The following PRDM6 variants were observed in gnomAD, a reference collection of about 807,000 sequenced individuals.
The protein encoded by PRDM6 is PR/SET domain 6.
In PRDM6, 25 loss-of-function variants were observed where a neutral mutation model predicts 60.8. That is an observed-to-expected ratio of 0.41 (90% confidence interval 0.30 to 0.57). The LOEUF (loss-of-function observed/expected upper bound fraction) is 0.57, where lower values mean the gene tolerates loss of function less well. Ranked by LOEUF, PRDM6 falls within the 20% of genes least tolerant of loss-of-function variation. The probability of loss-of-function intolerance (pLI) is 0.27; values close to 1 mark genes in which losing one functional copy is unlikely to be tolerated. For missense variants in PRDM6, 839 were observed against 821.3 expected, an observed-to-expected ratio of 1.02 and a Z score of -0.26; for synonymous variants, 407 against 357.4, an observed-to-expected ratio of 1.14 and a Z score of -1.57.
chr5:123,113,746 G>A (rs147515822), intron 3 of PRDM6, among the ~76,000 whole-genome samples: 16 of 152,118 alleles, frequency 1.1e-4, no homozygotes, highest in African/African-American at 3.1e-4. Context: ...CTCTGGACCC[G>A]GAGGTGAGCT....
At chr5:123,140,755 T>G (rs1255051249) in intron 3 of PRDM6, among the ~76,000 whole-genome samples, 2 of 152,200 alleles carry the variant, frequency 1.3e-5, no homozygotes, top group Non-Finnish European at 2.9e-5. Flanking sequence ...ACAGAATCTT[T>G]ACATTCAGTC....
chr5:123,126,464 G>A (rs970643886), intron 3 of PRDM6, among the ~76,000 whole-genome samples: 1 of 151,902 alleles, frequency 6.6e-6, no homozygotes, highest in Non-Finnish European at 1.5e-5. Flanking sequence ...GCAGTGAGCA[G>A]TGGATCAGTA....
rs897526332 is a variant in PRDM6, at chr5:123,090,479, C to T, written c.465C>T (p.Gly155=). ...CCGTCAAGTGCGGTGGTGGTGGCGG[C>T]GGCGGCGGGGAGGGTCGCGGCGCCC... The part of the protein sequence containing the change: ...PGPVKCGGGG[G]GGGEGRGAPR... The change falls in exon 2 of 8, where the codon GGC becomes GGT. Residue 155 remains glycine, a synonymous_variant. Coordinates refer to ENST00000407847, the MANE Select transcript of PRDM6 (RefSeq NM_001136239.4). The T allele has an allele frequency of 6.7e-6, 10 of 1,483,794 alleles. No homozygotes were observed. In the African/African-American group the frequency reaches 1.0e-4, roughly 15 times the overall value. 91.9% of individuals were successfully genotyped at this position (1,483,794 alleles called of 1,614,324 possible).
chr5:123,134,541 G>A (rs928640668), intron 3 of PRDM6, among the ~76,000 whole-genome samples: 3 of 152,104 alleles, frequency 2.0e-5, no homozygotes, highest in Admixed American at 6.6e-5. Flanking sequence ...CATTTAAATT[G>A]TTATGTATTT....
intron 5 of PRDM6, among the ~76,000 whole-genome samples, chr5:123,167,082 G>C (rs1468190543): frequency 3.3e-5 from 5 of 152,142 alleles, no homozygotes; most frequent in Non-Finnish European, 7.4e-5. Flanking sequence ...CAGTGAGGCT[G>C]ATATTTAGGA....
At chr5:123,114,397 T>C (rs1214001613) in intron 3 of PRDM6, among the ~76,000 whole-genome samples, 1 of 152,206 alleles carries the variant, frequency 6.6e-6, no homozygotes, top group Non-Finnish European at 1.5e-5. Context: ...TTTACTATTT[T>C]AGAGTCACAT....
chr5:123,179,174 C>T (rs947178663), intron 6 of PRDM6, among the ~76,000 whole-genome samples: 1 of 152,188 alleles, frequency 6.6e-6, no homozygotes, highest in African/African-American at 2.4e-5. Context: ...GAATTTTAAT[C>T]TATTTTATGA....
chr5:123,158,899 A>G (rs1465975525), intron 4 of PRDM6, among the ~76,000 whole-genome samples: 1 of 152,092 alleles, frequency 6.6e-6, no homozygotes, highest in Non-Finnish European at 1.5e-5. Flanking sequence ...CCTTCACTGT[A>G]TCGTTTCAGA....
At chr5:123,169,457 A>G (rs35302957) in intron 5 of PRDM6, among the ~76,000 whole-genome samples, 1,865 of 152,286 alleles carry the variant, frequency 0.012, 18 homozygotes, top group Middle Eastern at 0.054. Flanking sequence ...TCCTTCTATA[A>G]CAAAAATGGT....
At chr5:123,110,028 GTC>G (rs1189399193) in intron 3 of PRDM6, among the ~76,000 whole-genome samples, 3 of 152,252 alleles carry the variant, frequency 2.0e-5, no homozygotes, top group African/African-American at 7.2e-5. Flanking sequence ...ATTTGGCACT[GTC>G]TGTAAAAATG....
chr5:123,145,107 T>C (rs1765210500), intron 3 of PRDM6, among the ~76,000 whole-genome samples: 1 of 152,230 alleles, frequency 6.6e-6, no homozygotes, highest in South Asian at 2.1e-4. Flanking sequence ...GCTTGTTTAA[T>C]GCTGCCTTTT....
At chr5:123,120,160 C>T (rs1332517378) in intron 3 of PRDM6, among the ~76,000 whole-genome samples, 1 of 152,040 alleles carries the variant, frequency 6.6e-6, no homozygotes, top group African/African-American at 2.4e-5. Context: ...TCTTAGAAAG[C>T]CGAAGTTTAG....
rs893694759 is a variant in PRDM6, at chr5:123,139,382, G to A, written c.901-16502G>A. 2.6e-5 allele frequency among the ~76,000 whole-genome samples: 4 copies of A among 152,168 alleles called. No homozygotes were observed. The East Asian group carries it at 5.8e-4, about 22-fold the overall frequency. ...ACTATAGAATCTCTTGGTGGATTCC[G>A]TATTAGGCATATGTTCTTGTTTAGG... On this transcript the variant is annotated intron_variant, in intron 3 of 7. Coordinates refer to ENST00000407847, the MANE Select transcript of PRDM6 (RefSeq NM_001136239.4).
chr5:123,106,157 TAAGTA>T (rs1428977166), intron 3 of PRDM6, among the ~76,000 whole-genome samples: 5 of 152,214 alleles, frequency 3.3e-5, no homozygotes, highest in Admixed American at 3.3e-4. Flanking sequence ...GATTGAGCAG[TAAGTA>T]AAGTACTGAC....
In PRDM6 at chr5:123,090,420, G is replaced by T; in HGVS notation, c.406G>T (p.Glu136Ter). ...CGCCGCCGAGCCGCTGCCCCCCAAG[G>T]AACTGTGCCTCGGCGCCACCTCCGG... ...AVAAEPLPPK[E>*]LCLGATSGPG... is the part of the protein sequence containing the mutation. The change falls in exon 2 of 8, where the codon GAA becomes TAA. Residue 136 changes from glutamate (E) to a stop codon, truncating the protein, a stop_gained. Transcript: ENST00000407847. LOFTEE classifies it high-confidence loss of function. The T allele has an allele frequency of 1.4e-6, 2 of 1,459,590 alleles. No homozygotes were observed. The highest frequency in any genetic ancestry group is 1.8e-6 in the Non-Finnish European group (2 of 1,114,670). 90.4% of individuals were successfully genotyped at this position (1,459,590 alleles called of 1,614,324 possible).
At chr5:123,173,724 T>C (rs1257238021) in intron 6 of PRDM6, among the ~76,000 whole-genome samples, 2 of 152,196 alleles carry the variant, frequency 1.3e-5, no homozygotes, top group Non-Finnish European at 2.9e-5. Flanking sequence ...TCTGAGTTGA[T>C]TGTTGAAGAT....
At position 123,191,501 on chromosome 5, in the gene PRDM6, G is replaced by T. The variant is rs904058373; in HGVS notation, c.*4300G>T. On this transcript the variant is annotated 3_prime_UTR_variant, in exon 8 of 8. Coordinates refer to ENST00000407847, the MANE Select transcript of PRDM6 (RefSeq NM_001136239.4). Reference sequence around the variant, plus strand: ...TGAAATGTTTATCTGTTTCTTCCTTGACATGAATTTAATTTTTATTTCCCA... The same window carrying T: ...TGAAATGTTTATCTGTTTCTTCCTTTACATGAATTTAATTTTTATTTCCCA... The T allele has an allele frequency of 6.6e-6, 1 of 152,072 alleles. No homozygotes were observed. The highest frequency in any genetic ancestry group is 2.4e-5 in the African/African-American group (1 of 41,402). 9.4% of individuals were successfully genotyped at this position (152,072 alleles called of 1,614,324 possible).
At position 123,159,559 on chromosome 5, in the gene PRDM6, C is replaced by T; in HGVS notation, c.1074C>T (p.Thr358=). The change falls in exon 5 of 8, where the codon ACC becomes ACT. Residue 358 remains threonine, a synonymous_variant. Coordinates refer to ENST00000407847, the MANE Select transcript of PRDM6 (RefSeq NM_001136239.4). ...YRACIDIPRG[T]ELLVWYNDSY... ...CCTGTATAGATATCCCTAGGGGCAC[C>T]GAGCTTCTGGTGTGGTACAATGACA... 4 of 1,551,458 alleles carry T rather than the reference C, an allele frequency of 2.6e-6. No homozygotes were observed. Among genetic ancestry groups the T allele is most frequent in the South Asian group, 1.2e-5 (1 of 84,046 alleles).
chr5:123,119,567 A>G (rs1405350019), intron 3 of PRDM6, among the ~76,000 whole-genome samples: 3 of 152,160 alleles, frequency 2.0e-5, no homozygotes, highest in Non-Finnish European at 4.4e-5. Flanking sequence ...TCTTGGAATT[A>G]GAGGAATGCA....
Sources: gnomAD v4.1 joint callset for allele counts (sites outside exome capture counted in the v4.1 genomes callset) on GRCh38, gnomAD v4.1.1 for gene constraint, MANE v1.5 for transcripts, NCBI Gene and HGNC (gene_info 2026-07-23, HGNC 2026-07-21) for gene names.